Variants in STK36 observed in about 807,000 individuals in gnomAD.
STK36 encodes the protein serine/threonine-protein kinase 36.
STK36 carries 116 observed loss-of-function variants against 142.2 expected under a neutral mutation model. The ratio of observed to expected loss-of-function variants is 0.82; its 90% CI spans 0.70 to 0.95. The LOEUF is 0.95. Ranked by LOEUF, STK36 falls within the 40% of genes least tolerant of loss-of-function variation. The pLI, the probability that STK36 is intolerant of heterozygous loss-of-function variation, is 0.00. For synonymous variants in STK36, 619 were observed against 641.7 expected, an observed-to-expected ratio of 0.96 and a Z score of 0.53; for missense variants, 1,422 against 1,617.2, an observed-to-expected ratio of 0.88 and a Z score of 2.07.
chr2:218,676,977 AGGCT>A (rs758190920), intron 6 of STK36, among the ~76,000 whole-genome samples: 2 of 150,650 alleles, frequency 1.3e-5, no homozygotes, highest in Non-Finnish European at 3.0e-5. Flanking sequence ...TTTGTTGTCC[AGGCT>A]GGACTGCAAT....
rs143832355 is a variant in STK36, at chr2:218,685,543, A to G, written c.1380+315A>G. Among the ~76,000 whole-genome samples the G allele has an allele frequency of 7.9e-3, 1,206 of 152,290 alleles. 11 individuals are homozygous for G. Among genetic ancestry groups the G allele is most frequent in the African/African-American group, 0.027 (1,135 of 41,556 alleles). ...GTACTTACATAATGAGGGAAAACACATTTTCACTAATTTTTTATTGATGAA... is the reference window on the plus strand; with the variant it reads ...GTACTTACATAATGAGGGAAAACACGTTTTCACTAATTTTTTATTGATGAA... On this transcript the variant is annotated intron_variant, in intron 11 of 26. Coordinates refer to ENST00000295709, the MANE Select transcript of STK36 (RefSeq NM_015690.5).
intron 6 of STK36, 21 bp from the exon 7 acceptor site, chr2:218,679,147 G>C: frequency 1.2e-6 from 2 of 1,610,756 alleles, no homozygotes; most frequent in Non-Finnish European, 1.7e-6. Flanking sequence ...ATGACTGATG[G>C]AATATTTTTT....
At chr2:218,692,335 T>C in intron 15 of STK36, 42 bp downstream of exon 15, 2 of 1,611,466 alleles carry the variant, frequency 1.2e-6, no homozygotes, top group Non-Finnish European at 1.7e-6. Context: ...ACTTACTTGT[T>C]GCATAGGTCA....
rs200720629 is a variant in STK36, at chr2:218,698,592, G to C, written c.3058-10G>C. The C allele has an allele frequency of 1.2e-6, 2 of 1,611,498 alleles. No individual in the cohort carries two copies. Among genetic ancestry groups the C allele is most frequent in the Non-Finnish European group, 1.7e-6 (2 of 1,178,536 alleles). ...CTCTCCCTGAATCCTTTTACCTCCT[G>C]TTCTCTCAGGTCTGCTGCTACCATC... On this transcript the variant is annotated splice_polypyrimidine_tract_variant and intron_variant, in intron 25 of 26. Coordinates refer to ENST00000295709, the MANE Select transcript of STK36 (RefSeq NM_015690.5).
Position 218,693,728 on chromosome 2 carries a change from A to G in STK36, c.2154A>G (p.Leu718=), listed in dbSNP as rs772901413. Residue 718 remains leucine (L), a synonymous_variant, in exon 18 of 27, where the codon CTA becomes CTG. Transcript: ENST00000295709. The part of the protein sequence containing the change: ...PILCLHLLKV[L]YSCCLVSEGL... ...ACTCCTTCCTTCTCCCTCAGGTTCT[A>G]TACTCCTGCTGCCTTGTCAGTGAGG... 11 of 1,613,916 alleles carry G rather than the reference A, an allele frequency of 6.8e-6. No homozygotes were observed. Among genetic ancestry groups the G allele is most frequent in the Admixed American group, 3.3e-5 (2 of 60,024 alleles).
chr2:218,683,888 T>C (rs1575129044), intron 10 of STK36, among the ~76,000 whole-genome samples: 1 of 152,024 alleles, frequency 6.6e-6, no homozygotes, highest in Non-Finnish European at 1.5e-5. Flanking sequence ...TCCAATTTCA[T>C]CCACGTCCCT....
Position 218,672,098 on chromosome 2 carries a change from T to A in STK36, c.-207T>A. On this transcript the variant is annotated 5_prime_UTR_variant, in exon 1 of 27. The change abolishes an upstream ATG in the 5' untranslated region. Coordinates refer to ENST00000295709, the MANE Select transcript of STK36 (RefSeq NM_015690.5). ...ACTCCGGGTCCTTAGCCGGGCCTGA[T>A]GGCCCTGAGGCAGTTCGGATGTGTC... 2.6e-6 allele frequency: 3 copies of A among 1,170,842 alleles called. No homozygotes were observed. Among genetic ancestry groups the A allele is most frequent in the Non-Finnish European group, 3.7e-6 (3 of 801,550 alleles). 72.5% of individuals were successfully genotyped at this position (1,170,842 alleles called of 1,614,324 possible). A position where few individuals can be genotyped will look rare whatever the true frequency, so the allele number is the denominator to read the frequency against.
At chr2:218,690,617 C>G in intron 14 of STK36, 62 bp downstream of exon 14, 1 of 1,328,876 alleles carries the variant, frequency 7.5e-7, no homozygotes, top group African/African-American at 1.4e-5. Flanking sequence ...TCTCCCATCC[C>G]CTTTCTTATG....
At chr2:218,693,077 CTATTGGTG>C (rs1455136002) in intron 16 of STK36, among the ~76,000 whole-genome samples, 155 bp from the exon 17 acceptor site, 1 of 152,156 alleles carries the variant, frequency 6.6e-6, no homozygotes, top group African/African-American at 2.4e-5. Context: ...TTTTGGTTCT[CTATTGGTG>C]ATGAAGACTG....
In STK36 at chr2:218,672,730, G is replaced by A; in HGVS notation, c.-89-11G>A. 1 of 1,161,962 alleles carries A rather than the reference G, an allele frequency of 8.6e-7. No homozygotes were observed. The highest frequency in any genetic ancestry group is 1.3e-6 in the Non-Finnish European group (1 of 789,506). The allele number at this position is 1,161,962 out of a possible 1,614,324, so 72.0% of individuals were successfully genotyped here. A position where few individuals can be genotyped will look rare whatever the true frequency, so the allele number is the denominator to read the frequency against. On this transcript the variant is annotated splice_polypyrimidine_tract_variant and intron_variant, in intron 1 of 26. Transcript: ENST00000295709. ...GTGGCTAACATTTTTCCTTTCCCGT[G>A]CCCCAACTAGGCGTCCCAGATGTTG...
In STK36 at chr2:218,698,675, A is replaced by G. The variant is rs1165327584; in HGVS notation, c.3131A>G (p.Asp1044Gly). Residue 1044 changes from aspartate (D) to glycine (G), a missense_variant, in exon 26 of 27, where the codon GAT (aspartate) becomes GGT (glycine). By Grantham distance (94) the Asp-to-Gly change is moderately conservative (BLOSUM62 -1). Transcript: ENST00000295709. ...ISLLTRLALM[D>G]PTSLNQFVNT... ...CTTCTCACACGCCTGGCCCTCATGG[A>G]TCCCACCTCTCTCAACCAGTTTGTG... 1 of 1,613,926 alleles carries G rather than the reference A, an allele frequency of 6.2e-7. No homozygotes were observed. The highest frequency in any genetic ancestry group is 1.7e-5 in the Admixed American group (1 of 59,982).
rs1327242856 is a variant in STK36, at chr2:218,679,223, A to G, written c.740A>G (p.Asp247Gly). The G allele has an allele frequency of 1.2e-6, 2 of 1,614,062 alleles. No homozygotes were observed. Residue 247 changes from aspartate to glycine, a missense_variant, in exon 7 of 27, where the codon GAC becomes GGC. By Grantham distance (94) the Asp-to-Gly change is moderately conservative. Coordinates refer to ENST00000295709, the MANE Select transcript of STK36 (RefSeq NM_015690.5). ...CCACGGCAGCGACTGTCCTGGCCAG[A>G]CCTCTTATATCACCCCTTTATTGCT... is the stretch of plus-strand genomic sequence containing the variant. ...KDPRQRLSWP[D>G]LLYHPFIAGH...
At position 218,673,729 on chromosome 2, in the gene STK36, T is replaced by C. The variant is rs1022242195; in HGVS notation, c.189T>C (p.Ile63=). The C allele has an allele frequency of 6.2e-7, 1 of 1,614,168 alleles. No individual in the cohort carries two copies. Among genetic ancestry groups the C allele is most frequent in the South Asian group, 1.1e-5 (1 of 91,080 alleles). Residue 63 remains isoleucine (I), a synonymous_variant, in exon 3 of 27, where the codon ATT becomes ATC. Coordinates refer to ENST00000295709, the MANE Select transcript of STK36 (RefSeq NM_015690.5). The part of the protein sequence containing the change: ...EIMRGLRHPN[I]VHMLDSFETD... ...TGCGGGGTCTGCGGCATCCCAACAT[T>C]GTGCATATGCTTGACAGCTTTGAAA...
chr2:218,697,739 T>C (rs1236897999), intron 24 of STK36, 115 bp from the exon 25 acceptor site: 11 of 1,588,926 alleles, frequency 6.9e-6, no homozygotes, highest in Non-Finnish European at 9.4e-6. Context: ...GCTGGAAACC[T>C]AAGTAGTGGC....
Position 218,697,599 on chromosome 2 carries a change from A to G in STK36, c.2898A>G (p.Gln966=). ...TGCTTTGCCCCAGCTTCCTGAATCAACTGCGCCAGGCGTGAGTTTGAGCTA... is the reference window on the plus strand; with the variant it reads ...TGCTTTGCCCCAGCTTCCTGAATCAGCTGCGCCAGGCGTGAGTTTGAGCTA... ...KHLLCPSFLN[Q]LRQAPHGSEF... Residue 966 remains glutamine, a synonymous_variant, in exon 24 of 27, where the codon CAA becomes CAG. Transcript: ENST00000295709. 4 of 1,614,194 alleles carry G rather than the reference A, an allele frequency of 2.5e-6. No individual in the cohort carries two copies. Among genetic ancestry groups the G allele is most frequent in the Non-Finnish European group, 3.4e-6 (4 of 1,180,036 alleles).
At chr2:218,673,797 C>G (rs745562452) in intron 3 of STK36, 32 bp downstream of exon 3, 1 of 1,613,432 alleles carries the variant, frequency 6.2e-7, no homozygotes, top group Non-Finnish European at 8.5e-7. Flanking sequence ...CCCTGTCTCC[C>G]CAAGCACAAG....
chr2:218,673,990 C>G, intron 4 of STK36, 34 bp downstream of exon 4: 1 of 1,592,932 alleles, frequency 6.3e-7, no homozygotes, highest in Non-Finnish European at 8.6e-7. Flanking sequence ...TCCCCACCTC[C>G]GACCTCTCTC....
chr2:218,697,034 T>C lies in STK36; in HGVS notation c.2587-5T>C, dbSNP rs377390985. 8.2e-5 allele frequency: 133 copies of C among 1,613,464 alleles called. No homozygotes were observed. Among genetic ancestry groups the C allele is most frequent in the African/African-American group, 5.5e-4 (41 of 74,902 alleles). ...CCCCCCGCCCTCTTTCACTTTTATC[T>C]CTAGCAGGGGAAGGCTAGCCTAATC... On this transcript the variant is annotated splice_polypyrimidine_tract_variant and splice_region_variant and intron_variant, in intron 22 of 26. Transcript: ENST00000295709.
chr2:218,672,836 A>G lies in STK36; in HGVS notation c.7A>G (p.Lys3Glu). The change falls in exon 2 of 27, where the codon AAG becomes GAG. Residue 3 changes from lysine (K) to glutamate (E), a missense_variant. By Grantham distance (56) the Lys-to-Glu change is moderately conservative. This residue lies in a region of STK36 where 460 missense variants were observed against 449.6 expected (regional missense o/e 1.02). Transcript: ENST00000295709. ME[K>E]YHVLEMIGEG... ...AGATCCTGAAACCTCTGTCATGGAA[A>G]AGTACCACGTGTTGGAGATGATTGG... 3 of 1,614,120 alleles carry G rather than the reference A, an allele frequency of 1.9e-6. No homozygotes were observed. The highest frequency in any genetic ancestry group is 2.5e-6 in the Non-Finnish European group (3 of 1,179,968).
Sources: allele counts gnomAD v4.1 joint callset (sites outside exome capture counted in the v4.1 genomes callset), GRCh38; gene constraint gnomAD v4.1.1; regional missense constraint gnomAD v4.1.1; transcripts MANE v1.5; gene names NCBI Gene and HGNC (gene_info 2026-07-23, HGNC 2026-07-21).